Variants in ACAD11 observed in about 807,000 individuals in gnomAD.
ACAD11 encodes the protein acyl-Coenzyme A dehydrogenase family, member 11.
Under a neutral mutation model 102.2 loss-of-function variants are expected in ACAD11, and 83 were observed. The ratio of observed to expected loss-of-function variants is 0.81; its 90% confidence interval spans 0.68 to 0.97. The LOEUF is 0.97. ACAD11 is among the 50% of genes least tolerant of loss of function. ACAD11 has a pLI of 0.00. For missense variants in ACAD11, 901 were observed against 951.7 expected (o/e 0.95, Z 0.70); for synonymous variants, 324 against 319.8 (o/e 1.01, Z -0.14).
At chr3:132,588,617 G>C (rs1035766813) in intron 13 of ACAD11, among the ~76,000 whole-genome samples, 1 of 152,076 alleles carries the variant, frequency 6.6e-6, no homozygotes, top group African/African-American at 2.4e-5. Flanking sequence ...AGATTGAAAT[G>C]CAACGGCTTT....
intron 16 of ACAD11, among the ~76,000 whole-genome samples, chr3:132,576,334 G>C (rs1356069501): frequency 6.6e-6 from 1 of 152,142 alleles, no homozygotes; most frequent in Non-Finnish European, 1.5e-5. Flanking sequence ...CTCAGGGCCT[G>C]GCAGGTATCA....
In ACAD11 at chr3:132,612,915, G is replaced by A. The variant is rs1025341207; in HGVS notation, c.1414+5719C>T. On this transcript the variant is annotated intron_variant, in intron 11 of 19. Transcript: ENST00000264990. ...GATTATAAATCATGCTGCTATAAAG[G>A]CACATGCACACGTATGTTTATTGTG... Among the ~76,000 whole-genome samples, 138 of 151,956 alleles carry A rather than the reference G, an allele frequency of 9.1e-4. 1 individual carries two copies. Among genetic ancestry groups the A allele is most frequent in the South Asian group, 3.3e-3 (16 of 4,782 alleles).
intron 13 of ACAD11, among the ~76,000 whole-genome samples, chr3:132,590,654 A>C (rs1011597245): frequency 6.6e-6 from 1 of 152,146 alleles, no homozygotes; most frequent in Non-Finnish European, 1.5e-5. Flanking sequence ...TTTTTTCTAC[A>C]ACCTCACCCG....
In ACAD11 at chr3:132,578,848, C is replaced by T; in HGVS notation, c.1722G>A (p.Met574Ile). 1 of 1,612,986 alleles carries T rather than the reference C, an allele frequency of 6.2e-7. No homozygotes were observed. The highest frequency in any genetic ancestry group is 8.5e-7 in the Non-Finnish European group (1 of 1,179,410). Residue 574 changes from methionine to isoleucine, a missense_variant, in exon 15 of 20, where the codon ATG becomes ATA. Coordinates refer to ENST00000264990, the MANE Select transcript of ACAD11 (RefSeq NM_032169.5). The stretch of plus-strand genomic sequence containing the variant: ...TTATTATTTTTACTCCAGGTGTGTT[C>T]ATGGGAACAAGAATCATGCTGTGCT... ...HKQHSMILVP[M>I]NTPGVKIIRP...
At position 132,575,803 on chromosome 3, in the gene ACAD11, C is replaced by T. The variant is rs758513882; in HGVS notation, c.1970G>A (p.Arg657Lys). Residue 657 changes from arginine (R) to lysine (K), a missense_variant, in exon 17 of 20, where the codon AGG (arginine) becomes AAG (lysine). Arg to Lys is a conservative substitution (Grantham distance 26). Transcript: ENST00000264990. ...LQIMCERATQ[R>K]IAFKKKLYAH... The stretch of plus-strand genomic sequence containing the variant: ...ATACAACTTCTTCTTGAAAGCTATC[C>T]TTTGTGTTGCCCGCTCACACATGAT... 13 of 1,613,842 alleles carry T rather than the reference C, an allele frequency of 8.1e-6. No individual in the cohort carries two copies. Among genetic ancestry groups the T allele is most frequent in the Admixed American group, 6.7e-5 (4 of 59,996 alleles).
chr3:132,644,668 A>G, intron 2 of ACAD11, 129 bp downstream of exon 2: 1 of 421,766 alleles, frequency 2.4e-6, no homozygotes, highest in South Asian at 9.0e-5. Flanking sequence ...GGAAATTTTC[A>G]TTAGAAATAA....
At chr3:132,624,693 T>C (rs1939743551) in intron 9 of ACAD11, among the ~76,000 whole-genome samples, 1 of 151,484 alleles carries the variant, frequency 6.6e-6, no homozygotes, top group Admixed American at 6.6e-5. Context: ...ATCATTTGCT[T>C]TTTTGTCGTT....
rs373001809 is a variant in ACAD11 at position 132,630,355 on chromosome 3, A to G, written c.963+82T>C. On this transcript the variant is annotated intron_variant, in intron 7 of 19. Transcript: ENST00000264990. ...GCCAAATGATCTAAGGATAAAGAATATAAAACCCGGAAGACTGGAAAACAT... is the reference window on the plus strand; with the variant it reads ...GCCAAATGATCTAAGGATAAAGAATGTAAAACCCGGAAGACTGGAAAACAT... 20 of 1,391,772 alleles carry G rather than the reference A, an allele frequency of 1.4e-5. No homozygotes were observed. In the African/African-American group the frequency reaches 1.6e-4, roughly 11 times the overall value. 86.2% of individuals were successfully genotyped at this position (1,391,772 alleles called of 1,614,324 possible). A position where few individuals can be genotyped will look rare whatever the true frequency, so the allele number is the denominator to read the frequency against.
At chr3:132,608,503 T>C (rs1938960154) in intron 11 of ACAD11, among the ~76,000 whole-genome samples, 2 of 151,926 alleles carry the variant, frequency 1.3e-5, no homozygotes, top group African/African-American at 2.4e-5. Context: ...TAGTTTCTAA[T>C]AAAACAGACT....
rs184736326 is a variant in ACAD11 at position 132,587,365 on chromosome 3, C to T, written c.1622-7807G>A. On this transcript the variant is annotated intron_variant, in intron 13 of 19. Coordinates refer to ENST00000264990, the MANE Select transcript of ACAD11 (RefSeq NM_032169.5). ...AATTTCTGTTGTCTATCTTCAAGTT[C>T]GTTCATTCTTTCCTCTGTTATCTCC... is the stretch of plus-strand genomic sequence containing the variant. Among the ~76,000 whole-genome samples the T allele has an allele frequency of 1.2e-3, 186 of 152,092 alleles. 2 individuals carry two copies. The highest frequency in any genetic ancestry group is 4.3e-3 in the African/African-American group (178 of 41,502).
At chr3:132,585,583 T>C (rs1428978380) in intron 13 of ACAD11, among the ~76,000 whole-genome samples, 47 of 152,276 alleles carry the variant, frequency 3.1e-4, no homozygotes, top group African/African-American at 1.1e-3. Flanking sequence ...ATTTTTGCCA[T>C]CTACTCATCT....
At chr3:132,602,933 G>C (rs1005602182) in intron 13 of ACAD11, among the ~76,000 whole-genome samples, 17 of 152,118 alleles carry the variant, frequency 1.1e-4, no homozygotes, top group Non-Finnish European at 2.5e-4. Flanking sequence ...CTCCTGAGTA[G>C]TTGGGATTAC....
At position 132,603,259 on chromosome 3, in the gene ACAD11, C is replaced by A. The variant is rs767280144; in HGVS notation, c.1591G>T (p.Val531Leu). 2.1e-5 allele frequency: 34 copies of A among 1,613,968 alleles called. No individual in the cohort carries two copies. In the East Asian group the frequency reaches 6.9e-4, roughly 33 times the overall value. ...CTCCACCATTTTTTGCCGTTAATTA[C>A]ATAGCTATCTTCATCTCGTTGGATG... is the stretch of plus-strand genomic sequence containing the variant. Reference protein sequence around the residue: ...CSIQRDEDSYVINGKKWWSSG... With the variant: ...CSIQRDEDSYLINGKKWWSSG... Residue 531 changes from valine to leucine, a missense_variant, in exon 13 of 20, where the codon GTA becomes TTA. Physicochemically the swap from Val to Leu is conservative, Grantham distance 32. Transcript: ENST00000264990.
At chr3:132,621,030 T>A (rs1024222342) in intron 9 of ACAD11, 1 of 151,694 alleles carries the variant, frequency 6.6e-6, no homozygotes, top group East Asian at 1.9e-4. Flanking sequence ...CAAATATGAG[T>A]GGTAAAGGAA....
At chr3:132,610,291 A>T (rs1347380001) in intron 11 of ACAD11, among the ~76,000 whole-genome samples, 3 of 152,146 alleles carry the variant, frequency 2.0e-5, no homozygotes, top group Non-Finnish European at 4.4e-5. Flanking sequence ...TCTAAAATTG[A>T]CACCCTAACA....
chr3:132,651,643 C>T (rs1360984262), intron 1 of ACAD11, among the ~76,000 whole-genome samples: 1 of 152,204 alleles, frequency 6.6e-6, no homozygotes, highest in Non-Finnish European at 1.5e-5. Flanking sequence ...TACTGCCATT[C>T]ACCTCATATC....
intron 4 of ACAD11, among the ~76,000 whole-genome samples, chr3:132,641,596 A>AGAGGAGGAG (rs1402477425): frequency 8.5e-6 from 1 of 117,456 alleles, no homozygotes; most frequent in Non-Finnish European, 1.6e-5. Context: ...AAGAAGAAGA[A>AGAGGAGGAG]GAAGAAGAGG....
chr3:132,641,629 G>GGAGGAAGAA (rs1402805043), intron 4 of ACAD11, among the ~76,000 whole-genome samples: 20 of 132,098 alleles, frequency 1.5e-4, no homozygotes, highest in Middle Eastern at 3.8e-3. Context: ...AGGAAGAAGA[G>GGAGGAAGAA]GAGGAAGAAG....
At chr3:132,563,973 A>G (rs1937141162) in intron 17 of ACAD11, among the ~76,000 whole-genome samples, 4 of 152,320 alleles carry the variant, frequency 2.6e-5, no homozygotes, top group South Asian at 2.1e-4. Context: ...GAAAGTTTCT[A>G]TCATAAACAG....
Sources: gnomAD v4.1 joint callset for allele counts (sites outside exome capture counted in the v4.1 genomes callset) on GRCh38, gnomAD v4.1.1 for gene constraint, MANE v1.5 for transcripts, NCBI Gene and HGNC (gene_info 2026-07-23, HGNC 2026-07-21) for gene names.